The following KCNJ6 variants were observed in gnomAD, a reference collection of about 807,000 sequenced individuals.
The protein encoded by KCNJ6 is G protein-activated inward rectifier potassium channel 2.
KCNJ6 carries 9 observed loss-of-function variants against 34.2 expected under a neutral mutation model. The ratio of observed to expected loss-of-function variants is 0.26; its 90% confidence interval spans 0.16 to 0.46. The LOEUF (loss-of-function observed/expected upper bound fraction) is 0.46, where lower values mean the gene tolerates loss of function less well. Ranked by LOEUF, KCNJ6 falls within the 20% of genes least tolerant of loss-of-function variation. The pLI is 1.00. For synonymous variants in KCNJ6, 196 were observed against 207.1 expected, an observed-to-expected ratio of 0.95 and a Z score of 0.46; for missense variants, 236 against 531.3, an observed-to-expected ratio of 0.44 and a Z score of 5.46.
chr21:37,904,505 C>A (rs1252770200), intron 1 of KCNJ6, among the ~76,000 whole-genome samples: 2 of 152,048 alleles, frequency 1.3e-5, no homozygotes, highest in African/African-American at 4.8e-5. Flanking sequence ...TCTTCACTTA[C>A]TTAGAAGTTC....
In KCNJ6 at chr21:37,614,097, G is replaced by A. The variant is rs539185498; in HGVS notation, c.*11062C>T. 1.3e-5 allele frequency: 2 copies of A among 152,238 alleles called. No homozygotes were observed. Among genetic ancestry groups the A allele is most frequent in the Admixed American group, 1.3e-4 (2 of 15,286 alleles). The allele number at this position is 152,238 out of a possible 1,614,324, so 9.4% of individuals were successfully genotyped here. A position where few individuals can be genotyped will look rare whatever the true frequency, so the allele number is the denominator to read the frequency against. On this transcript the variant is annotated 3_prime_UTR_variant, in exon 4 of 4. Transcript: ENST00000609713. ...TAAAATTTATCAAGTTTTTAAAAAA[G>A]GGGTGGAGGAAGCTATTTCCGACCA...
In KCNJ6 at chr21:37,826,798, C is replaced by T. The variant is rs142645328; in HGVS notation, c.25+13860G>A. ...TCCATGGGAGAGATTAGAGATGGGT[C>T]TGAAACCTTTCCTCTTATTAAAGCC... On this transcript the variant is annotated intron_variant, in intron 2 of 3. Coordinates refer to ENST00000609713, the MANE Select transcript of KCNJ6 (RefSeq NM_002240.5). 4.7e-4 allele frequency among the ~76,000 whole-genome samples: 71 copies of T among 152,224 alleles called. 1 individual carries two copies. Among genetic ancestry groups the T allele is most frequent in the African/African-American group, 1.7e-3 (71 of 41,546 alleles).
At chr21:37,848,968 G>T (rs938956901) in intron 1 of KCNJ6, among the ~76,000 whole-genome samples, 2 of 152,164 alleles carry the variant, frequency 1.3e-5, no homozygotes, top group Admixed American at 6.5e-5. Context: ...GAATATTGGT[G>T]AGTGACTCAT....
chr21:37,607,482 A>ATATATATATATCTTTATTT lies in KCNJ6; in HGVS notation c.*17676_*17677insAAATAAAGATATATATATA. 2.2e-5 allele frequency: 3 copies of ATATATATATATCTTTATTT among 136,758 alleles called. No homozygotes were observed. The highest frequency in any genetic ancestry group is 8.2e-5 in the African/African-American group (3 of 36,426). 8.5% of individuals were successfully genotyped at this position (136,758 alleles called of 1,614,324 possible). ...CTTAAAGATATATATATATATATAT[A>ATATATATATATCTTTATTT]TTTTTTTTTTATTTTAAAAAAATTT... On this transcript the variant is annotated 3_prime_UTR_variant, in exon 4 of 4. Coordinates refer to ENST00000609713, the MANE Select transcript of KCNJ6 (RefSeq NM_002240.5).
intron 1 of KCNJ6, among the ~76,000 whole-genome samples, chr21:37,850,341 G>A (rs748160681): frequency 9.2e-5 from 14 of 151,934 alleles, no homozygotes; most frequent in Non-Finnish European, 1.0e-4. Context: ...ACTGGTCCGC[G>A]GCCTGTTAGG....
Position 37,617,757 on chromosome 21 carries a change from G to A in KCNJ6, c.*7402C>T, listed in dbSNP as rs1236545213. ...AAAAGCACTGAGATCATCACCATGA[G>A]AAAATCAGAACTTTTGGGGATTTCC... is the stretch of plus-strand genomic sequence containing the variant. On this transcript the variant is annotated 3_prime_UTR_variant, in exon 4 of 4. Coordinates refer to ENST00000609713, the MANE Select transcript of KCNJ6 (RefSeq NM_002240.5). 6.6e-6 allele frequency: 1 copy of A among 152,240 alleles called. No homozygotes were observed. Among genetic ancestry groups the A allele is most frequent in the Non-Finnish European group, 1.5e-5 (1 of 68,048 alleles). The allele number at this position is 152,240 out of a possible 1,614,324, so 9.4% of individuals were successfully genotyped here.
At chr21:37,778,804 C>T (rs1242570705) in intron 2 of KCNJ6, among the ~76,000 whole-genome samples, 2 of 151,824 alleles carry the variant, frequency 1.3e-5, no homozygotes, top group African/African-American at 4.8e-5. Flanking sequence ...GTACCCCCCA[C>T]TTATTCTTGG....
intron 2 of KCNJ6, among the ~76,000 whole-genome samples, chr21:37,743,712 A>T (rs2054952433): frequency 6.6e-6 from 1 of 152,024 alleles, no homozygotes; most frequent in Non-Finnish European, 1.5e-5. Context: ...TGAGAAATAA[A>T]TTTCTGTTCA....
chr21:37,783,826 T>C, intron 2 of KCNJ6, among the ~76,000 whole-genome samples: 1 of 152,114 alleles, frequency 6.6e-6, no homozygotes, highest in Non-Finnish European at 1.5e-5. Flanking sequence ...TTAGGATTAG[T>C]GTACTTTAAT....
chr21:37,750,016 A>T (rs1411146387), intron 2 of KCNJ6, among the ~76,000 whole-genome samples: 1 of 152,222 alleles, frequency 6.6e-6, no homozygotes, highest in East Asian at 1.9e-4. Flanking sequence ...TCTGCAGGAT[A>T]AAACATTTGG....
At chr21:37,790,035 GT>G (rs551904251) in intron 2 of KCNJ6, among the ~76,000 whole-genome samples, 80 of 152,310 alleles carry the variant, frequency 5.3e-4, no homozygotes, top group African/African-American at 1.8e-3. Context: ...CTTCCAATGA[GT>G]TTGGGATAAA....
chr21:37,718,083 C>T (rs1290262014), intron 2 of KCNJ6, among the ~76,000 whole-genome samples: 1 of 152,204 alleles, frequency 6.6e-6, no homozygotes, highest in East Asian at 1.9e-4. Flanking sequence ...ATTTCTCATC[C>T]TCTTTGCATT....
chr21:37,805,745 A>G (rs2055290552), intron 2 of KCNJ6, among the ~76,000 whole-genome samples: 1 of 152,216 alleles, frequency 6.6e-6, no homozygotes, highest in African/African-American at 2.4e-5. Context: ...AGAGAAAGGC[A>G]CAGAGGGATG....
intron 3 of KCNJ6, among the ~76,000 whole-genome samples, chr21:37,669,546 G>A (rs533096351): frequency 2.0e-4 from 31 of 151,276 alleles, no homozygotes; most frequent in Non-Finnish European, 4.3e-4. Flanking sequence ...GAGATGGTAG[G>A]TGGTGTTGGG....
chr21:37,780,106 T>G (rs2055162105), intron 2 of KCNJ6, among the ~76,000 whole-genome samples: 5 of 152,062 alleles, frequency 3.3e-5, no homozygotes, highest in Admixed American at 2.0e-4. Context: ...GATAAGGAAA[T>G]AATGTGAATA....
At chr21:37,781,559 A>T (rs2123512754) in intron 2 of KCNJ6, among the ~76,000 whole-genome samples, 1 of 152,332 alleles carries the variant, frequency 6.6e-6, no homozygotes, top group South Asian at 2.1e-4. Context: ...GATGATGAGG[A>T]ACATGATGAT....
At chr21:37,740,160 C>T (rs983511559) in intron 2 of KCNJ6, among the ~76,000 whole-genome samples, 1 of 152,162 alleles carries the variant, frequency 6.6e-6, no homozygotes, top group African/African-American at 2.4e-5. Flanking sequence ...ATTTGAACGC[C>T]CCCCAACCAT....
intron 1 of KCNJ6, among the ~76,000 whole-genome samples, chr21:37,883,664 A>G (rs2055721203): frequency 6.6e-6 from 1 of 152,182 alleles, no homozygotes; most frequent in African/African-American, 2.4e-5. Context: ...CCAGACAGGC[A>G]CGGGTCTGAA....
At chr21:37,865,972 TA>T (rs948067153) in intron 1 of KCNJ6, among the ~76,000 whole-genome samples, 4 of 152,036 alleles carry the variant, frequency 2.6e-5, no homozygotes, top group African/African-American at 9.7e-5. Context: ...TTCAACAAAT[TA>T]AAAAAAATCA....
Sources: allele counts gnomAD v4.1 joint callset (sites outside exome capture counted in the v4.1 genomes callset), GRCh38; gene constraint gnomAD v4.1.1; transcripts MANE v1.5; gene names NCBI Gene and HGNC (gene_info 2026-07-23, HGNC 2026-07-21).